POLR3B: variants seen among roughly 807,000 people sequenced by gnomAD.
POLR3B encodes the protein DNA-directed RNA polymerase III subunit RPC2.
A neutral mutation model predicts 147.4 loss-of-function variants in POLR3B; 96 were observed. The observed-to-expected ratio is 0.65, with a 90% CI of 0.55 to 0.77. The LOEUF (loss-of-function observed/expected upper bound fraction) is 0.77, where lower values mean the gene tolerates loss of function less well. Among genes scored for constraint, POLR3B ranks in the 30% least tolerant of loss-of-function variants. The pLI is 0.00. For synonymous variants in POLR3B, 461 were observed against 485.9 expected, an observed-to-expected ratio of 0.95 and a Z score of 0.67; for missense variants, 1,036 against 1,413.5, an observed-to-expected ratio of 0.73 and a Z score of 4.28.
chr12:106,426,975 GTATGTCA>G (rs1468534818), intron 12 of POLR3B, among the ~76,000 whole-genome samples: 2 of 151,466 alleles, frequency 1.3e-5, no homozygotes, highest in African/African-American at 4.9e-5. Context: ...AATGCAGTGA[GTATGTCA>G]TCATCTTTGC....
At chr12:106,382,581 A>T (rs999211840) in intron 9 of POLR3B, among the ~76,000 whole-genome samples, 2 of 152,190 alleles carry the variant, frequency 1.3e-5, no homozygotes, top group African/African-American at 2.4e-5. Context: ...CTCCTTGTAC[A>T]TCTCCATCAG....
chr12:106,407,053 A>G (rs959859494), intron 11 of POLR3B, among the ~76,000 whole-genome samples: 2 of 152,228 alleles, frequency 1.3e-5, no homozygotes, highest in Non-Finnish European at 2.9e-5. Flanking sequence ...TCCAAATAAT[A>G]CAGGTCTCTC....
At chr12:106,471,969 G>A (rs1401652604) in intron 23 of POLR3B, among the ~76,000 whole-genome samples, 26 of 146,272 alleles carry the variant, frequency 1.8e-4, no homozygotes, top group East Asian at 2.0e-4. Context: ...CCACTAACTC[G>A]TCATCTAGCA....
intron 1 of POLR3B, among the ~76,000 whole-genome samples, chr12:106,362,267 A>T (rs886111173): frequency 6.6e-6 from 1 of 152,162 alleles, no homozygotes; most frequent in Non-Finnish European, 1.5e-5. Context: ...CAAGGAATGG[A>T]TGGTCCTTCC....
chr12:106,506,438 C>G (rs1028373463), intron 27 of POLR3B, among the ~76,000 whole-genome samples: 2 of 152,162 alleles, frequency 1.3e-5, no homozygotes, highest in African/African-American at 4.8e-5. Context: ...AACAGTCAAC[C>G]CGATTCACTT....
intron 6 of POLR3B, among the ~76,000 whole-genome samples, chr12:106,372,118 C>T (rs199699236): frequency 6.6e-6 from 1 of 152,048 alleles, no homozygotes; most frequent in African/African-American, 2.4e-5. Flanking sequence ...TATATAATCT[C>T]ATTTATTTTT....
chr12:106,469,865 C>T (rs777516040), intron 23 of POLR3B, among the ~76,000 whole-genome samples: 61 of 152,210 alleles, frequency 4.0e-4, no homozygotes, highest in Non-Finnish European at 6.8e-4. Flanking sequence ...CGAGCTTTCT[C>T]TCTGGCTGCC....
chr12:106,388,004 A>G (rs1231569657), intron 9 of POLR3B, among the ~76,000 whole-genome samples: 3 of 152,218 alleles, frequency 2.0e-5, no homozygotes, highest in Non-Finnish European at 4.4e-5. Context: ...AGACCTTGAC[A>G]GTCATTAGGA....
chr12:106,487,386 T>TCTC (rs2038354451), intron 23 of POLR3B, among the ~76,000 whole-genome samples: 1 of 152,210 alleles, frequency 6.6e-6, no homozygotes, highest in Non-Finnish European at 1.5e-5. Context: ...TTTTGTAGTA[T>TCTC]CTCCTGCAAG....
intron 23 of POLR3B, among the ~76,000 whole-genome samples, chr12:106,473,722 G>A (rs1437454495): frequency 0.014 from 1,391 of 95,940 alleles, 28 homozygotes; most frequent in African/African-American, 0.059. Context: ...TTTGTATCCT[G>A]AGACTTTGCT....
intron 23 of POLR3B, among the ~76,000 whole-genome samples, chr12:106,468,365 TG>T (rs2038036537): frequency 6.6e-6 from 1 of 152,168 alleles, no homozygotes; most frequent in African/African-American, 2.4e-5. Flanking sequence ...GTCTTCCTAG[TG>T]GTCTATGTAT....
rs75291669 is a variant in POLR3B, at chr12:106,461,431, T to C, written c.2571-2047T>C. ...AGCACTAACAGTATGCCAGGAACTATTCCAGGCACATGGGATAGTGCAGGG... is the reference window on the plus strand; with the variant it reads ...AGCACTAACAGTATGCCAGGAACTACTCCAGGCACATGGGATAGTGCAGGG... On this transcript the variant is annotated intron_variant, in intron 22 of 27. Coordinates refer to ENST00000228347, the MANE Select transcript of POLR3B (RefSeq NM_018082.6). Among the ~76,000 whole-genome samples, 1,471 of 152,236 alleles carry C rather than the reference T, an allele frequency of 9.7e-3. 24 individuals carry two copies. The highest frequency in any genetic ancestry group is 0.034 in the African/African-American group (1,406 of 41,538).
intron 18 of POLR3B, among the ~76,000 whole-genome samples, chr12:106,438,733 A>C (rs2037611447): frequency 6.6e-6 from 1 of 152,154 alleles, no homozygotes; most frequent in Non-Finnish European, 1.5e-5. Context: ...GAACTAATGA[A>C]TCAAGCTGTA....
At chr12:106,408,198 A>G (rs78511603) in intron 11 of POLR3B, among the ~76,000 whole-genome samples, 377 of 152,348 alleles carry the variant, frequency 2.5e-3, no homozygotes, top group African/African-American at 8.8e-3. Flanking sequence ...CTACAGAGAT[A>G]TGCTGATATT....
chr12:106,498,865 C>T (rs563263150), intron 25 of POLR3B, among the ~76,000 whole-genome samples: 4 of 152,310 alleles, frequency 2.6e-5, no homozygotes, highest in South Asian at 2.1e-4. Context: ...GGATTACAGG[C>T]GTGAGCCACC....
intron 25 of POLR3B, among the ~76,000 whole-genome samples, chr12:106,497,482 A>G (rs535300030): frequency 6.4e-4 from 97 of 152,188 alleles, no homozygotes; most frequent in Admixed American, 2.2e-3. Context: ...TATAAAGTAG[A>G]AAAGATTTAA....
At chr12:106,488,185 T>A (rs1426158261) in intron 23 of POLR3B, among the ~76,000 whole-genome samples, 1 of 152,234 alleles carries the variant, frequency 6.6e-6, no homozygotes, top group Non-Finnish European at 1.5e-5. Flanking sequence ...AGTCTTCTAC[T>A]GAGACATTCA....
At chr12:106,487,075 G>A (rs919312869) in intron 23 of POLR3B, among the ~76,000 whole-genome samples, 1 of 152,230 alleles carries the variant, frequency 6.6e-6, no homozygotes, top group African/African-American at 2.4e-5. Flanking sequence ...CTTAGTGTGG[G>A]CCCTAAGGGG....
intron 2 of POLR3B, among the ~76,000 whole-genome samples, chr12:106,365,535 A>T (rs975038116): frequency 6.6e-6 from 1 of 151,900 alleles, no homozygotes; most frequent in Non-Finnish European, 1.5e-5. Flanking sequence ...GTTATTTTTT[A>T]AAAGGAGCTG....
Sources: allele counts gnomAD v4.1 joint callset (sites outside exome capture counted in the v4.1 genomes callset), GRCh38; gene constraint gnomAD v4.1.1; transcripts MANE v1.5; gene names NCBI Gene and HGNC (gene_info 2026-07-23, HGNC 2026-07-21).